Variants in DNM3 observed in about 807,000 individuals in gnomAD.
DNM3 encodes dynamin-3.
In DNM3, 47 loss-of-function variants were observed where a neutral mutation model predicts 101.6. The observed-to-expected ratio is 0.46, with a 90% CI of 0.37 to 0.59. The LOEUF (loss-of-function observed/expected upper bound fraction) is 0.59. Among genes scored for constraint, DNM3 ranks in the 20% least tolerant of loss-of-function variants. DNM3 has a pLI of 0.00. For missense variants in DNM3, 849 were observed against 1,085.7 expected (o/e 0.78, Z 3.06); for synonymous variants, 385 against 387.9 (o/e 0.99, Z 0.09).
chr1:172,349,857 A>G (rs987827042), intron 17 of DNM3, among the ~76,000 whole-genome samples: 8 of 152,168 alleles, frequency 5.3e-5, no homozygotes, highest in African/African-American at 9.7e-5. Flanking sequence ...GTAAAAAATC[A>G]TATTATTTAT....
chr1:172,410,276 G>A lies in DNM3; in HGVS notation c.*2435G>A, dbSNP rs1178549582. ...AGTCTGAAACTCTAGTATGTGCATA[G>A]TTTGACGTGCAGCATGCACACCAGG... On this transcript the variant is annotated 3_prime_UTR_variant, in exon 21 of 21. Transcript: ENST00000627582. 3.0e-6 allele frequency: 3 copies of A among 985,238 alleles called. No individual in the cohort carries two copies. Among genetic ancestry groups the A allele is most frequent in the Non-Finnish European group, 3.6e-6 (3 of 829,880 alleles). The allele number at this position is 985,238 out of a possible 1,614,324, so 61.0% of individuals were successfully genotyped here. A position where few individuals can be genotyped will look rare whatever the true frequency, so the allele number is the denominator to read the frequency against.
At chr1:171,938,998 A>G (rs1375115982) in intron 2 of DNM3, among the ~76,000 whole-genome samples, 1 of 152,110 alleles carries the variant, frequency 6.6e-6, no homozygotes, top group Non-Finnish European at 1.5e-5. Flanking sequence ...ATTGCTGGTT[A>G]TGTTAATTTT....
At chr1:172,007,714 A>AT (rs2046790368) in intron 4 of DNM3, among the ~76,000 whole-genome samples, 1 of 151,744 alleles carries the variant, frequency 6.6e-6, no homozygotes, top group African/African-American at 2.4e-5. Context: ...GTTTGCAGAG[A>AT]TTTTTTCTTT....
intron 14 of DNM3, among the ~76,000 whole-genome samples, chr1:172,234,797 A>G (rs1308296375): frequency 4.6e-5 from 7 of 152,192 alleles, no homozygotes; most frequent in East Asian, 1.9e-4. Context: ...GGCTAGCCAT[A>G]TGTAGAAAGC....
At chr1:172,113,890 A>G (rs1465235701) in intron 13 of DNM3, among the ~76,000 whole-genome samples, 2 of 152,206 alleles carry the variant, frequency 1.3e-5, no homozygotes, top group Admixed American at 1.3e-4. Flanking sequence ...AAAGAGGCAA[A>G]TAATACTGCC....
At chr1:171,860,803 A>G (rs1246477517) in intron 1 of DNM3, among the ~76,000 whole-genome samples, 1 of 93,406 alleles carries the variant, frequency 1.1e-5, no homozygotes, top group African/African-American at 5.7e-5. Flanking sequence ...GATGGACTAG[A>G]TGGGGAAGGG....
In DNM3 at chr1:172,360,397, G is replaced by A. The variant is rs143445845; in HGVS notation, c.1894-18621G>A. 2.7e-3 allele frequency among the ~76,000 whole-genome samples: 408 copies of A among 152,072 alleles called. 1 individual carries two copies. The highest frequency in any genetic ancestry group is 9.2e-3 in the African/African-American group (381 of 41,518). ...CTCCTCTTTGTGCTTTAATTCAAAT[G>A]TAAAACAACTATTTTTCACTTTATA... On this transcript the variant is annotated intron_variant, in intron 17 of 20. Transcript: ENST00000627582.
intron 1 of DNM3, among the ~76,000 whole-genome samples, chr1:171,868,841 T>C (rs1349594067): frequency 6.6e-6 from 1 of 152,124 alleles, no homozygotes; most frequent in Non-Finnish European, 1.5e-5. Flanking sequence ...TGGAGTGCAG[T>C]GGCGCAATCT....
At chr1:172,413,594 G>A (rs2071325215), downstream of DNM3, among the ~76,000 whole-genome samples, 1 of 152,176 alleles carries the variant, frequency 6.6e-6, no homozygotes, top group Non-Finnish European at 1.5e-5. Context: ...TCCTAATTTT[G>A]AGTTTCCAGA....
At chr1:171,932,916 G>A (rs192603140) in intron 2 of DNM3, among the ~76,000 whole-genome samples, 162 of 152,246 alleles carry the variant, frequency 1.1e-3, no homozygotes, top group Non-Finnish European at 1.3e-3. Context: ...TACATATTGA[G>A]CTCCTTCAAG....
At chr1:172,032,301 G>T (rs2048665339) in intron 4 of DNM3, 101 bp from the exon 5 acceptor site, 2 of 862,576 alleles carry the variant, frequency 2.3e-6, no homozygotes, top group African/African-American at 1.7e-5. Context: ...AATGGGAAAA[G>T]GACCAGGAAA....
At chr1:172,297,121 C>A (rs1474978846) in intron 15 of DNM3, among the ~76,000 whole-genome samples, 12 of 121,602 alleles carry the variant, frequency 9.9e-5, no homozygotes, top group African/African-American at 3.5e-4. Flanking sequence ...CCAGCCGGGG[C>A]AACAGAGCAA....
In DNM3 at chr1:171,841,722, G is replaced by C. The variant is rs373374370; in HGVS notation, c.66G>C (p.Ala22=). The C allele has an allele frequency of 6.2e-7, 1 of 1,611,324 alleles. No individual in the cohort carries two copies. The highest frequency in any genetic ancestry group is 8.5e-7 in the Non-Finnish European group (1 of 1,179,288). ...ACCGTCTGCAGGACGCGTTTTCGGCGCTGGGACAGAGCTGCCTGCTGGAGC... is the reference window on the plus strand; with the variant it reads ...ACCGTCTGCAGGACGCGTTTTCGGCCCTGGGACAGAGCTGCCTGCTGGAGC... ...LVNRLQDAFS[A]LGQSCLLELP... The change falls in exon 1 of 21, where the codon GCG becomes GCC. Residue 22 remains alanine, a synonymous_variant. Coordinates refer to ENST00000627582, the MANE Select transcript of DNM3 (RefSeq NM_015569.5).
At chr1:172,056,772 A>G (rs938465000) in intron 10 of DNM3, among the ~76,000 whole-genome samples, 3 of 152,344 alleles carry the variant, frequency 2.0e-5, no homozygotes, top group African/African-American at 4.8e-5. Flanking sequence ...TGGAAACTCT[A>G]AAAAAGCAGA....
intron 10 of DNM3, among the ~76,000 whole-genome samples, chr1:172,053,850 T>G (rs1185259273): frequency 6.6e-6 from 1 of 152,088 alleles, no homozygotes; most frequent in Non-Finnish European, 1.5e-5. Context: ...ATTAAAATAT[T>G]TTGCAAAGCA....
chr1:172,237,710 C>T (rs965348253), intron 14 of DNM3, among the ~76,000 whole-genome samples: 1 of 152,124 alleles, frequency 6.6e-6, no homozygotes, highest in African/African-American at 2.4e-5. Context: ...TATCCACAAA[C>T]ATATACATAC....
chr1:172,060,185 G>C (rs986102563), intron 10 of DNM3, among the ~76,000 whole-genome samples: 3 of 135,744 alleles, frequency 2.2e-5, no homozygotes, highest in African/African-American at 5.7e-5. Context: ...CACTGCTCAA[G>C]GAAATAAAAG....
intron 17 of DNM3, among the ~76,000 whole-genome samples, chr1:172,353,933 G>A (rs1004178070): frequency 6.6e-6 from 1 of 151,850 alleles, no homozygotes; most frequent in African/African-American, 2.4e-5. Flanking sequence ...ATAAAATTTG[G>A]CCAAAAAGAG....
At position 172,410,542 on chromosome 1, in the gene DNM3, A is replaced by G; in HGVS notation, c.*2701A>G. On this transcript the variant is annotated 3_prime_UTR_variant, in exon 21 of 21. Coordinates refer to ENST00000627582, the MANE Select transcript of DNM3 (RefSeq NM_015569.5). Reference sequence around the variant, plus strand: ...GCTAAATATTGCATGCATATTGACTAATTGGAATAACCATTTACTCAATTA... The same window carrying G: ...GCTAAATATTGCATGCATATTGACTGATTGGAATAACCATTTACTCAATTA... 1 of 983,904 alleles carries G rather than the reference A, an allele frequency of 1.0e-6. No individual in the cohort carries two copies. Among genetic ancestry groups the G allele is most frequent in the Non-Finnish European group, 1.2e-6 (1 of 828,520 alleles). The allele number at this position is 983,904 out of a possible 1,614,324, so 60.9% of individuals were successfully genotyped here.
Sources: allele counts gnomAD v4.1 joint callset (sites outside exome capture counted in the v4.1 genomes callset), GRCh38; gene constraint gnomAD v4.1.1; transcripts MANE v1.5; gene names NCBI Gene and HGNC (gene_info 2026-07-23, HGNC 2026-07-21).